The following PEAK1 variants were observed in gnomAD, a reference collection of about 807,000 sequenced individuals.
The protein encoded by PEAK1 is inactive tyrosine-protein kinase PEAK1.
Under a neutral mutation model 124.7 loss-of-function variants are expected in PEAK1, and 54 were observed. The observed-to-expected ratio is 0.43, with a 90% CI of 0.35 to 0.54. The LOEUF (loss-of-function observed/expected upper bound fraction) is 0.54. Among genes scored for constraint, PEAK1 ranks in the 20% least tolerant of loss-of-function variants. The pLI is 0.01. For synonymous variants in PEAK1, 719 were observed against 760.0 expected, an observed-to-expected ratio of 0.95 and a Z score of 0.89; for missense variants, 2,046 against 2,134.5, an observed-to-expected ratio of 0.96 and a Z score of 0.82.
chr15:77,128,208 T>C (rs1469734468), intron 9 of PEAK1, among the ~76,000 whole-genome samples: 1 of 152,076 alleles, frequency 6.6e-6, no homozygotes, highest in Admixed American at 6.5e-5. Context: ...AAGTCAGGGA[T>C]AATAATGGGA....
At chr15:77,347,205 C>G in intron 2 of PEAK1, 1 of 981,636 alleles carries the variant, frequency 1.0e-6, no homozygotes, top group Non-Finnish European at 1.2e-6. Flanking sequence ...GATAAGATCT[C>G]TTCAAAGTGC....
rs1201496573 is a variant in PEAK1, at chr15:77,179,641, T to C, written c.2286A>G (p.Lys762=). 6.8e-6 allele frequency: 11 copies of C among 1,614,014 alleles called. No individual in the cohort carries two copies. The highest frequency in any genetic ancestry group is 8.5e-6 in the Non-Finnish European group (10 of 1,180,012). The stretch of plus-strand genomic sequence containing the variant: ...CAATCTGAGAAAGCACTGTGCTTGC[T>C]TTCTCTCTGGTGCTGCTGCTGCCCA... The part of the protein sequence containing the change: ...QMVGSSSTRE[K]ASTVLSQIVA... Residue 762 remains lysine, a synonymous_variant, in exon 7 of 10, where the codon AAA becomes AAG. Transcript: ENST00000682557.
intron 1 of PEAK1, among the ~76,000 whole-genome samples, chr15:77,379,566 T>C (rs749447301): frequency 4.6e-5 from 7 of 152,062 alleles, no homozygotes; most frequent in Admixed American, 6.5e-5. Context: ...CGAAATCCAA[T>C]ATATAGAGAT....
At chr15:77,397,387 T>C (rs1054379695) in intron 1 of PEAK1, among the ~76,000 whole-genome samples, 14 of 151,394 alleles carry the variant, frequency 9.2e-5, no homozygotes, top group African/African-American at 3.4e-4. Context: ...AAGCTAACAA[T>C]GCAACTTAAA....
intron 2 of PEAK1, among the ~76,000 whole-genome samples, chr15:77,290,093 G>A (rs1037524643): frequency 2.0e-5 from 3 of 151,198 alleles, no homozygotes; most frequent in Admixed American, 6.6e-5. Context: ...TCAGCTTCCC[G>A]AGTAGCTGGG....
intron 2 of PEAK1, among the ~76,000 whole-genome samples, chr15:77,307,865 C>A (rs1039646755): frequency 2.9e-4 from 44 of 152,058 alleles, no homozygotes; most frequent in Non-Finnish European, 5.7e-4. Context: ...GGGGTATTTA[C>A]CTGGTAAACT....
At chr15:77,102,874 A>G (rs1278264929) in exon 7 of PEAK1, 2 of 152,148 alleles carry the variant, frequency 1.3e-5, no homozygotes, top group African/African-American at 4.8e-5. Flanking sequence ...ACCATTTTGT[A>G]AAGTTTTTCA....
chr15:77,350,342 TA>T (rs2141431589), intron 2 of PEAK1: 3 of 985,262 alleles, frequency 3.0e-6, no homozygotes, highest in African/African-American at 3.5e-5. Context: ...GGCCAGAGAG[TA>T]TCATCAAATT....
intron 6 of PEAK1, among the ~76,000 whole-genome samples, chr15:77,190,188 T>C (rs1442369696): frequency 6.6e-6 from 1 of 152,120 alleles, no homozygotes; most frequent in Non-Finnish European, 1.5e-5. Context: ...GAGTGAACAA[T>C]ACATACTGTA....
At chr15:77,335,672 G>A in intron 2 of PEAK1, 2 of 729,274 alleles carry the variant, frequency 2.7e-6, no homozygotes, top group Non-Finnish European at 3.4e-6. Context: ...TAAAGACAGG[G>A]TCTTGCCCAG....
chr15:77,190,127 G>C (rs1205347742), intron 6 of PEAK1, among the ~76,000 whole-genome samples: 2 of 152,002 alleles, frequency 1.3e-5, no homozygotes, highest in African/African-American at 4.8e-5. Flanking sequence ...TTTGGCAGGA[G>C]GCATTATTTT....
intron 1 of PEAK1, among the ~76,000 whole-genome samples, chr15:77,380,912 T>C (rs1166531357): frequency 6.6e-6 from 1 of 152,154 alleles, no homozygotes; most frequent in Non-Finnish European, 1.5e-5. Flanking sequence ...TAATACACAA[T>C]CTTTTAGGAG....
At chr15:77,211,846 C>T (rs905600057) in intron 6 of PEAK1, among the ~76,000 whole-genome samples, 1 of 91,750 alleles carries the variant, frequency 1.1e-5, no homozygotes. Flanking sequence ...GAAACTCCAT[C>T]TCAAAAAAAA....
chr15:77,102,392 T>A (rs147738599), exon 7 of PEAK1: 1 of 152,240 alleles, frequency 6.6e-6, no homozygotes, highest in East Asian at 1.9e-4. Flanking sequence ...GACAAAGGTT[T>A]ATCACCTTTA....
At chr15:77,177,925 C>T (rs550682706) in intron 7 of PEAK1, 1 of 152,240 alleles carries the variant, frequency 6.6e-6, no homozygotes, top group Non-Finnish European at 1.5e-5. Flanking sequence ...AGGATACATG[C>T]TTTAGAATGA....
intron 1 of PEAK1, among the ~76,000 whole-genome samples, chr15:77,408,983 A>C (rs1412827496): frequency 1.3e-5 from 2 of 152,052 alleles, no homozygotes; most frequent in Non-Finnish European, 2.9e-5. Flanking sequence ...AGGTGGGAGG[A>C]TCGTTTGAGC....
rs760783660 is a variant in PEAK1 at position 77,179,134 on chromosome 15, G to T, written c.2793C>A (p.Phe931Leu). 16 of 1,614,042 alleles carry T rather than the reference G, an allele frequency of 9.9e-6. No individual in the cohort carries two copies. Among genetic ancestry groups the T allele is most frequent in the East Asian group, 6.7e-5 (3 of 44,892 alleles). Residue 931 changes from phenylalanine to leucine, a missense_variant, in exon 7 of 10, where the codon TTC (phenylalanine) becomes TTA (leucine). Transcript: ENST00000682557. Reference protein sequence around the residue: ...KPKRWISFKSFFRRRKTDEED... With the variant: ...KPKRWISFKSLFRRRKTDEED... ...CCTCATCTGTTTTCCGACGGCGGAA[G>T]AAGCTTTTAAATGATATCCAGCGCT...
intron 8 of PEAK1, among the ~76,000 whole-genome samples, chr15:77,138,571 T>A (rs937143299): frequency 6.6e-6 from 1 of 152,206 alleles, no homozygotes; most frequent in Non-Finnish European, 1.5e-5. Context: ...TTTCAAAATA[T>A]TTTTTCTTTG....
chr15:77,320,463 T>A (rs2153016297), intron 2 of PEAK1, among the ~76,000 whole-genome samples: 2 of 152,168 alleles, frequency 1.3e-5, no homozygotes, highest in Middle Eastern at 6.8e-3. Context: ...GGAGAAAAAA[T>A]TCCACTGTTT....
Sources: gnomAD v4.1 joint callset for allele counts (sites outside exome capture counted in the v4.1 genomes callset) on GRCh38, gnomAD v4.1.1 for gene constraint, MANE v1.5 for transcripts, NCBI Gene and HGNC (gene_info 2026-07-23, HGNC 2026-07-21) for gene names.